ZSCAN25: variants seen among roughly 807,000 people sequenced by gnomAD.
The protein encoded by ZSCAN25 is zinc finger and SCAN domain-containing protein 25.
Under a neutral mutation model 38.7 loss-of-function variants are expected in ZSCAN25, and 27 were observed. That is an observed-to-expected ratio of 0.70 (90% CI 0.51 to 0.96). The LOEUF is 0.96. Ranked by LOEUF, ZSCAN25 falls within the 40% of genes least tolerant of loss-of-function variation. The pLI, the probability that ZSCAN25 is intolerant of heterozygous loss-of-function variation, is 0.00. For missense variants in ZSCAN25, 637 were observed against 705.9 expected, an observed-to-expected ratio of 0.90 and a Z score of 1.11; for synonymous variants, 273 against 277.7, an observed-to-expected ratio of 0.98 and a Z score of 0.17.
chr7:99,714,688 G>GAAAA, the ZSCAN25 span: 1 of 1,429,488 alleles, frequency 7.0e-7, no homozygotes, highest in Non-Finnish European at 9.5e-7. Flanking sequence ...GACTTCTGTA[G>GAAAA]AAAAAAAAAA....
the ZSCAN25 span, chr7:99,685,178 T>G: frequency 6.2e-7 from 1 of 1,612,858 alleles, no homozygotes; most frequent in African/African-American, 1.3e-5. Context: ...GACTCAACCT[T>G]TAGAACAATG....
the ZSCAN25 span, among the ~76,000 whole-genome samples, chr7:99,698,999 G>A: frequency 6.6e-6 from 1 of 152,290 alleles, no homozygotes; most frequent in South Asian, 2.1e-4. Context: ...AATGGGACAG[G>A]TGGAGCCTCC....
chr7:99,631,419 T>C lies in ZSCAN25; in HGVS notation c.*1399T>C, dbSNP rs572696041. On this transcript the variant is annotated 3_prime_UTR_variant, in exon 8 of 8. Transcript: ENST00000394152. ...TTTGTAAACTGTTGAAGCTTCCTTA[T>C]TGTGCCATCACTTAAGGGTTTCATT... 4 of 985,470 alleles carry C rather than the reference T, an allele frequency of 4.1e-6. No individual in the cohort carries two copies. The highest frequency in any genetic ancestry group is 1.7e-5 in the African/African-American group (1 of 57,364). 61.0% of individuals were successfully genotyped at this position (985,470 alleles called of 1,614,324 possible).
chr7:99,644,015 G>A, the ZSCAN25 span, among the ~76,000 whole-genome samples: 6 of 152,106 alleles, frequency 3.9e-5, no homozygotes, highest in Admixed American at 6.5e-5. Context: ...TTTTTCTTTG[G>A]ATGGGATCAG....
the ZSCAN25 span, among the ~76,000 whole-genome samples, chr7:99,645,568 A>G: frequency 1.2e-4 from 19 of 152,094 alleles, no homozygotes; most frequent in African/African-American, 3.9e-4. Context: ...TCACACTCCC[A>G]CCGACAGTGT....
chr7:99,713,659 G>T, the ZSCAN25 span: 1 of 1,311,280 alleles, frequency 7.6e-7, no homozygotes, highest in Non-Finnish European at 1.1e-6. Context: ...AATCTGATGG[G>T]TGTTGCCTGA....
the ZSCAN25 span, among the ~76,000 whole-genome samples, chr7:99,672,112 C>T: frequency 5.9e-5 from 9 of 151,980 alleles, no homozygotes; most frequent in African/African-American, 1.7e-4. Context: ...AGTATAATGG[C>T]GTGATCTCGG....
the ZSCAN25 span, among the ~76,000 whole-genome samples, chr7:99,688,446 G>C: frequency 6.6e-6 from 1 of 152,314 alleles, no homozygotes; most frequent in African/African-American, 2.4e-5. Flanking sequence ...TAAAGGTAAA[G>C]GGATCAATTC....
At chr7:99,696,750 T>G in the ZSCAN25 span, among the ~76,000 whole-genome samples, 1 of 152,216 alleles carries the variant, frequency 6.6e-6, no homozygotes, top group Non-Finnish European at 1.5e-5. Context: ...GCAAATCTCA[T>G]GTGGAAATGT....
Position 99,630,796 on chromosome 7 carries a change from A to G in ZSCAN25, c.*776A>G, listed in dbSNP as rs1298457256. On this transcript the variant is annotated 3_prime_UTR_variant, in exon 8 of 8. Transcript: ENST00000394152. The stretch of plus-strand genomic sequence containing the variant: ...CACTATAACAACTGTCAACACACCA[A>G]CTATTAGGAAGTTAGTATTTTGCTA... The G allele has an allele frequency of 7.1e-6, 7 of 985,426 alleles. No individual in the cohort carries two copies. Among genetic ancestry groups the G allele is most frequent in the African/African-American group, 1.7e-5 (1 of 57,354 alleles). 61.0% of individuals were successfully genotyped at this position (985,426 alleles called of 1,614,324 possible).
chr7:99,696,502 G>C, the ZSCAN25 span, among the ~76,000 whole-genome samples: 1 of 152,160 alleles, frequency 6.6e-6, no homozygotes, highest in Admixed American at 6.5e-5. Flanking sequence ...TGGCCTCGTA[G>C]AAATGCAAGC....
chr7:99,724,522 A>T, the ZSCAN25 span, among the ~76,000 whole-genome samples: 1 of 151,450 alleles, frequency 6.6e-6, no homozygotes. Context: ...GAGTCCTTTG[A>T]ATCCTCCTTT....
chr7:99,697,091 T>A, the ZSCAN25 span, among the ~76,000 whole-genome samples: 1 of 152,216 alleles, frequency 6.6e-6, no homozygotes, highest in Non-Finnish European at 1.5e-5. Flanking sequence ...CAGCCTCAGG[T>A]ATTTCTTTAC....
At chr7:99,686,786 C>T in the ZSCAN25 span, among the ~76,000 whole-genome samples, 5 of 152,152 alleles carry the variant, frequency 3.3e-5, no homozygotes, top group East Asian at 3.9e-4. Context: ...ACACCTCACA[C>T]GGCCAGGTAC....
the ZSCAN25 span, among the ~76,000 whole-genome samples, chr7:99,697,809 T>C: frequency 6.6e-6 from 1 of 152,228 alleles, no homozygotes; most frequent in Admixed American, 6.5e-5. Context: ...TGGAAATGTG[T>C]GCACCATCTA....
the ZSCAN25 span, chr7:99,722,229 C>T: frequency 6.3e-7 from 1 of 1,599,308 alleles, no homozygotes; most frequent in South Asian, 1.1e-5. Context: ...TGAGACTATC[C>T]TCTGTGCAGT....
the ZSCAN25 span, chr7:99,638,293 C>A: frequency 3.1e-6 from 5 of 1,606,506 alleles, no homozygotes; most frequent in East Asian, 1.1e-4. Context: ...AGTCCGTCCC[C>A]TGAGGTGGCA....
the ZSCAN25 span, among the ~76,000 whole-genome samples, chr7:99,712,536 T>C: frequency 2.6e-5 from 4 of 152,242 alleles, no homozygotes; most frequent in African/African-American, 9.6e-5. Flanking sequence ...GATTTCTAGA[T>C]GAAACACTAA....
chr7:99,725,919 A>G, the ZSCAN25 span, among the ~76,000 whole-genome samples: 52 of 152,254 alleles, frequency 3.4e-4, 1 homozygote, highest in Non-Finnish European at 5.4e-4. Flanking sequence ...GTGGGTATTG[A>G]CGGCCAGGTT....
Sources: gnomAD v4.1 joint callset for allele counts (sites outside exome capture counted in the v4.1 genomes callset) on GRCh38, gnomAD v4.1.1 for gene constraint, MANE v1.5 for transcripts, NCBI Gene and HGNC (gene_info 2026-07-23, HGNC 2026-07-21) for gene names.